TTC28: variants seen among roughly 807,000 people sequenced by gnomAD.
TTC28 encodes the protein tetratricopeptide repeat protein 28.
A neutral mutation model predicts 198.0 loss-of-function variants in TTC28; 61 were observed. The observed-to-expected ratio is 0.31, with a 90% confidence interval of 0.25 to 0.38. The LOEUF (loss-of-function observed/expected upper bound fraction) is 0.38. Among genes scored for constraint, TTC28 ranks in the 10% least tolerant of loss-of-function variants. TTC28 has a pLI of 1.00. For missense variants in TTC28, 2,678 were observed against 3,164.0 expected (o/e 0.85, Z 3.69); for synonymous variants, 1,171 against 1,297.8 (o/e 0.90, Z 2.10).
chr22:28,452,513 T>C (rs2047798144), intron 2 of TTC28, among the ~76,000 whole-genome samples: 1 of 150,346 alleles, frequency 6.7e-6, no homozygotes, highest in Admixed American at 6.6e-5. Context: ...GAAAAGAAAG[T>C]CAATAAGGAT....
rs563582022 is a variant in TTC28, at chr22:28,431,260, T to C, written c.382-124617A>G. On this transcript the variant is annotated intron_variant, in intron 2 of 22. Coordinates refer to ENST00000397906, the MANE Select transcript of TTC28 (RefSeq NM_001145418.2). Reference sequence around the variant, plus strand: ...ATCTCCTGCAGCTATAGTAAATGTTTAATAATATGATCACTTATGATAAAT... The same window carrying C: ...ATCTCCTGCAGCTATAGTAAATGTTCAATAATATGATCACTTATGATAAAT... Among the ~76,000 whole-genome samples, 4 of 152,344 alleles carry C rather than the reference T, an allele frequency of 2.6e-5. No homozygotes were observed. The East Asian group carries it at 5.8e-4, about 22-fold the overall frequency.
At chr22:28,357,101 A>C (rs1414507152) in intron 2 of TTC28, among the ~76,000 whole-genome samples, 1 of 152,160 alleles carries the variant, frequency 6.6e-6, no homozygotes, top group South Asian at 2.1e-4. Flanking sequence ...CATTTTACAG[A>C]TTAAAAAACT....
chr22:28,025,778 G>A (rs1260638327), intron 13 of TTC28, among the ~76,000 whole-genome samples: 2 of 152,220 alleles, frequency 1.3e-5, no homozygotes, highest in Non-Finnish European at 2.9e-5. Context: ...GCTGAGGCAG[G>A]AGGATCACTT....
chr22:28,478,671 A>C (rs2048200303), intron 2 of TTC28, among the ~76,000 whole-genome samples: 1 of 152,202 alleles, frequency 6.6e-6, no homozygotes, highest in Admixed American at 6.5e-5. Context: ...TGAGTTGCTA[A>C]TTGTTAAAAC....
At chr22:28,623,125 A>G (rs994774160) in intron 2 of TTC28, among the ~76,000 whole-genome samples, 1 of 151,896 alleles carries the variant, frequency 6.6e-6, no homozygotes, top group Non-Finnish European at 1.5e-5. Flanking sequence ...GCCCGGCCCA[A>G]AATAGATATT....
chr22:28,337,591 G>T (rs192606762), intron 2 of TTC28, among the ~76,000 whole-genome samples: 41 of 152,326 alleles, frequency 2.7e-4, no homozygotes, highest in African/African-American at 8.9e-4. Context: ...TTACCATTAT[G>T]TAATGGCGTT....
At chr22:28,344,513 G>T (rs182066557) in intron 2 of TTC28, among the ~76,000 whole-genome samples, 5 of 152,098 alleles carry the variant, frequency 3.3e-5, no homozygotes, top group Non-Finnish European at 5.9e-5. Context: ...CATGCTGAAA[G>T]ATCTAGAAAG....
chr22:28,310,896 C>T (rs1328566317), intron 2 of TTC28, among the ~76,000 whole-genome samples: 1 of 151,934 alleles, frequency 6.6e-6, no homozygotes, highest in African/African-American at 2.4e-5. Context: ...TCTCCTGCCT[C>T]AGCCTCCCAA....
chr22:28,285,908 G>A (rs150204409), intron 5 of TTC28, among the ~76,000 whole-genome samples: 1,675 of 152,118 alleles, frequency 0.011, 11 homozygotes, highest in Non-Finnish European at 0.019. Context: ...TTCAACAGTG[G>A]ATGAATGGCA....
chr22:28,560,048 A>C (rs1421106594), intron 2 of TTC28, among the ~76,000 whole-genome samples: 3 of 152,170 alleles, frequency 2.0e-5, no homozygotes, highest in Admixed American at 6.5e-5. Flanking sequence ...CCCTCCAAAA[A>C]AAGAATTTCT....
At chr22:28,601,822 GGGT>G (rs1791365098) in intron 2 of TTC28, among the ~76,000 whole-genome samples, 1 of 115,098 alleles carries the variant, frequency 8.7e-6, no homozygotes, top group Admixed American at 8.3e-5. Flanking sequence ...ACACAGTTCT[GGGT>G]ATGTAGCTCT....
intron 12 of TTC28, among the ~76,000 whole-genome samples, chr22:28,041,656 TCAGGA>T (rs1939644903): frequency 6.6e-6 from 1 of 152,058 alleles, no homozygotes; most frequent in South Asian, 2.1e-4. Context: ...GCAATACCAT[TCAGGA>T]CAGAGGCATG....
intron 5 of TTC28, among the ~76,000 whole-genome samples, chr22:28,197,676 G>A (rs1925513724): frequency 6.6e-6 from 1 of 151,978 alleles, no homozygotes; most frequent in South Asian, 2.1e-4. Context: ...AAAATTTCCT[G>A]AAAAAAGTAT....
chr22:28,303,230 A>G (rs531985182), intron 3 of TTC28, among the ~76,000 whole-genome samples: 19 of 152,362 alleles, frequency 1.2e-4, no homozygotes, highest in Non-Finnish European at 2.2e-4. Flanking sequence ...TGGCAGTAAT[A>G]GTATGCTACA....
chr22:28,243,933 G>A (rs1332430151), intron 5 of TTC28, among the ~76,000 whole-genome samples: 7 of 152,060 alleles, frequency 4.6e-5, no homozygotes, highest in East Asian at 1.9e-4. Context: ...GATACAGAAC[G>A]CACAACATGA....
At chr22:28,400,979 T>C (rs1372437469) in intron 2 of TTC28, among the ~76,000 whole-genome samples, 2 of 152,226 alleles carry the variant, frequency 1.3e-5, no homozygotes, top group African/African-American at 2.4e-5. Flanking sequence ...ACAAATTCTA[T>C]TCTTATTTTA....
intron 2 of TTC28, among the ~76,000 whole-genome samples, chr22:28,337,584 C>G (rs1415088168): frequency 1.3e-5 from 2 of 152,180 alleles, no homozygotes; most frequent in Non-Finnish European, 2.9e-5. Flanking sequence ...GATCCCTTTA[C>G]CATTATGTAA....
chr22:28,635,991 ACT>A (rs897957830), intron 1 of TTC28, among the ~76,000 whole-genome samples: 4 of 150,892 alleles, frequency 2.7e-5, no homozygotes, highest in African/African-American at 4.9e-5. Context: ...CCACCCTTCT[ACT>A]CTCTGTTTTT....
chr22:28,444,326 T>G (rs917066545), intron 2 of TTC28, among the ~76,000 whole-genome samples: 1 of 152,214 alleles, frequency 6.6e-6, no homozygotes, highest in Non-Finnish European at 1.5e-5. Context: ...GACTTCTGTA[T>G]GCATTCCCAG....
Sources: gnomAD v4.1 joint callset for allele counts (sites outside exome capture counted in the v4.1 genomes callset) on GRCh38, gnomAD v4.1.1 for gene constraint, MANE v1.5 for transcripts, NCBI Gene and HGNC (gene_info 2026-07-23, HGNC 2026-07-21) for gene names.